RUBCN: variants seen among roughly 807,000 people sequenced by gnomAD.
RUBCN encodes rubicon autophagy regulator.
In RUBCN, 74 loss-of-function variants were observed where a neutral mutation model predicts 113.2. The ratio of observed to expected loss-of-function variants is 0.65; its 90% CI spans 0.54 to 0.79. The LOEUF (loss-of-function observed/expected upper bound fraction) is 0.79. Among genes scored for constraint, RUBCN ranks in the 30% least tolerant of loss-of-function variants. The pLI, the probability that RUBCN is intolerant of heterozygous loss-of-function variation, is 0.00. For synonymous variants in RUBCN, 480 were observed against 490.0 expected, an observed-to-expected ratio of 0.98 and a Z score of 0.27; for missense variants, 1,109 against 1,251.7, an observed-to-expected ratio of 0.89 and a Z score of 1.72.
upstream of RUBCN, among the ~76,000 whole-genome samples, chr3:197,740,958 CT>C (rs1206220948): frequency 2.6e-5 from 4 of 152,130 alleles, no homozygotes; most frequent in Non-Finnish European, 5.9e-5. Flanking sequence ...ATTCCTGCAA[CT>C]TTCTCTCAAA....
rs772081114 is a variant in RUBCN at position 197,683,270 on chromosome 3, G to A, written c.1980+37C>T. On this transcript the variant is annotated intron_variant, in intron 13 of 19. Coordinates refer to ENST00000296343, the MANE Select transcript of RUBCN (RefSeq NM_014687.4). This position sits in a 1 kb window ranked among gnomAD's most constrained non-coding sequence, Gnocchi z 4.6. Reference sequence around the variant, plus strand: ...GGAAAACAAGGTCACAGAGGCTCACGATGGCCCCTGGGTAGGAAGAAGAGC... The same window carrying A: ...GGAAAACAAGGTCACAGAGGCTCACAATGGCCCCTGGGTAGGAAGAAGAGC... The A allele has an allele frequency of 8.1e-6, 13 of 1,613,724 alleles. No individual in the cohort carries two copies. Among genetic ancestry groups the A allele is most frequent in the Admixed American group, 5.0e-5 (3 of 60,006 alleles).
intron 1 of RUBCN, among the ~76,000 whole-genome samples, chr3:197,731,771 C>T (rs1413593859): frequency 2.0e-5 from 3 of 151,556 alleles, no homozygotes; most frequent in African/African-American, 7.3e-5. Context: ...ACCTCCCTCC[C>T]GGATGGGGCG....
At chr3:197,713,514 T>C (rs899044365) in intron 2 of RUBCN, among the ~76,000 whole-genome samples, 1 of 152,132 alleles carries the variant, frequency 6.6e-6, no homozygotes, top group Non-Finnish European at 1.5e-5. Flanking sequence ...AGCAGGTCAA[T>C]GCCACAAATA....
chr3:197,709,379 T>G (rs1343198035), intron 2 of RUBCN, among the ~76,000 whole-genome samples: 1 of 151,992 alleles, frequency 6.6e-6, no homozygotes, highest in African/African-American at 2.4e-5. Flanking sequence ...GAAAAGCTAC[T>G]ATGGGTTTTT....
At chr3:197,696,715 C>T (rs1723045461) in intron 8 of RUBCN, among the ~76,000 whole-genome samples, 1 of 152,086 alleles carries the variant, frequency 6.6e-6, no homozygotes, top group Non-Finnish European at 1.5e-5. Context: ...CCGACGTACC[C>T]GGTGCGAACA....
chr3:197,675,312 GC>G lies in RUBCN; in HGVS notation c.2740+109del. ...CCAAGGCGTGGTGTCCCCTGGGGAG[GC>G]CCCGCGAGGTGCTGAGTGGCACCGA... On this transcript the variant is annotated intron_variant, in intron 19 of 19. Transcript: ENST00000296343. This position sits in a 1 kb window ranked among gnomAD's most constrained non-coding sequence, Gnocchi z 4.4. 6.7e-7 allele frequency: 1 copy of G among 1,500,982 alleles called. No homozygotes were observed. The highest frequency in any genetic ancestry group is 2.3e-5 in the East Asian group (1 of 44,394). The allele number at this position is 1,500,982 out of a possible 1,614,324, so 93.0% of individuals were successfully genotyped here.
At chr3:197,704,172 C>T (rs534354229) in intron 4 of RUBCN, among the ~76,000 whole-genome samples, 2 of 152,194 alleles carry the variant, frequency 1.3e-5, no homozygotes, top group South Asian at 2.1e-4. Context: ...ACGGTAGTCA[C>T]GCCTGTAATC....
intron 11 of RUBCN, among the ~76,000 whole-genome samples, chr3:197,685,758 G>C (rs1721770263): frequency 6.6e-6 from 1 of 152,160 alleles, no homozygotes; most frequent in African/African-American, 2.4e-5. Context: ...GGCGGAATCT[G>C]TGCCACAAAA....
Position 197,672,333 on chromosome 3 carries a change from C to T in RUBCN, c.*2685G>A, listed in dbSNP as rs2108818825. 2 of 152,304 alleles carry T rather than the reference C, an allele frequency of 1.3e-5. 1 individual carries two copies. The highest frequency in any genetic ancestry group is 1.3e-4 in the Admixed American group (2 of 15,304). The allele number at this position is 152,304 out of a possible 1,614,324, so 9.4% of individuals were successfully genotyped here. ...CATTTAGAAGGAATTCTCTTCAGTG[C>T]ATTCAAAGCTTCTCCCCGCAACAGC... On this transcript the variant is annotated 3_prime_UTR_variant, in exon 20 of 20. Transcript: ENST00000296343.
At chr3:197,710,494 G>A (rs1724837580) in intron 2 of RUBCN, among the ~76,000 whole-genome samples, 1 of 151,804 alleles carries the variant, frequency 6.6e-6, no homozygotes, top group South Asian at 2.1e-4. Flanking sequence ...CAGCTATTTG[G>A]GAGGCTGAGG....
chr3:197,675,518 G>A lies in RUBCN; in HGVS notation c.2647-3C>T. On this transcript the variant is annotated splice_region_variant and splice_polypyrimidine_tract_variant and intron_variant, in intron 18 of 19. Transcript: ENST00000296343. The surrounding 1 kb of genome is among the most constrained non-coding windows in gnomAD (Gnocchi z 4.4). ...ATGAAGCCTTTGGCTTGGCAGAGCT[G>A]GGGAGGAAAAACACAGATGGCAAAA... 2.5e-6 allele frequency: 4 copies of A among 1,612,564 alleles called. No individual in the cohort carries two copies. In the South Asian group the frequency reaches 4.4e-5, roughly 18 times the overall value.
Position 197,681,474 on chromosome 3 carries a change from C to T in RUBCN, c.2192-107G>A, listed in dbSNP as rs1721234846. ...AGGGCAGAGAGGGACAGCCAATGGC[C>T]TCCAGCAACCTCTGTCTGAGTTCCC... On this transcript the variant is annotated intron_variant, in intron 15 of 19. Transcript: ENST00000296343. The surrounding 1 kb of genome is among the most constrained non-coding windows in gnomAD (Gnocchi z 5.5). 1.2e-6 allele frequency: 1 copy of T among 805,434 alleles called. No individual in the cohort carries two copies. The highest frequency in any genetic ancestry group is 2.1e-6 in the Non-Finnish European group (1 of 472,886). 49.9% of individuals were successfully genotyped at this position (805,434 alleles called of 1,614,324 possible). A position where few individuals can be genotyped will look rare whatever the true frequency, so the allele number is the denominator to read the frequency against.
chr3:197,678,451 C>T (rs1373756128), intron 16 of RUBCN, among the ~76,000 whole-genome samples: 1 of 146,692 alleles, frequency 6.8e-6, no homozygotes, highest in East Asian at 2.0e-4. Flanking sequence ...GTCCTATGCT[C>T]TAACTGACAA....
At chr3:197,707,482 C>T (rs1446071475) in intron 2 of RUBCN, among the ~76,000 whole-genome samples, 1 of 151,960 alleles carries the variant, frequency 6.6e-6, no homozygotes, top group Non-Finnish European at 1.5e-5. Flanking sequence ...AATTGGCTGG[C>T]TAGAAGTAGA....
chr3:197,711,597 G>A (rs1724969433), intron 2 of RUBCN, among the ~76,000 whole-genome samples: 1 of 152,104 alleles, frequency 6.6e-6, no homozygotes, highest in African/African-American at 2.4e-5. Context: ...CACCTTGGGA[G>A]CCAAGCTGGG....
At chr3:197,747,758 G>C (rs1462009914) in intron 1 of RUBCN, among the ~76,000 whole-genome samples, 4 of 152,148 alleles carry the variant, frequency 2.6e-5, no homozygotes, top group African/African-American at 9.7e-5. Context: ...CTTGTGCTTA[G>C]AGGATTTTAA....
At chr3:197,678,592 G>T (rs1405012627) in intron 16 of RUBCN, among the ~76,000 whole-genome samples, 1 of 150,418 alleles carries the variant, frequency 6.6e-6, no homozygotes, top group Non-Finnish European at 1.5e-5. Flanking sequence ...TCTGACAACT[G>T]GCTCCAGACT....
intron 1 of RUBCN, among the ~76,000 whole-genome samples, chr3:197,748,640 T>C (rs1728864285): frequency 6.6e-6 from 1 of 152,224 alleles, no homozygotes; most frequent in Non-Finnish European, 1.5e-5. Flanking sequence ...ATGCTACATA[T>C]ACAGGAAACG....
At chr3:197,735,250 G>T (rs75237936) in intron 1 of RUBCN, among the ~76,000 whole-genome samples, 16,940 of 152,194 alleles carry the variant, frequency 0.11, 1,136 homozygotes, top group African/African-American at 0.18. Flanking sequence ...GTTTTTTAAA[G>T]TAGCCAGATG....
Sources: allele counts gnomAD v4.1 joint callset (sites outside exome capture counted in the v4.1 genomes callset), GRCh38; gene constraint gnomAD v4.1.1; non-coding constraint Gnocchi (gnomAD v3.1); transcripts MANE v1.5; gene names NCBI Gene and HGNC (gene_info 2026-07-23, HGNC 2026-07-21).